Variants in BRD10 observed in about 807,000 individuals in gnomAD.
BRD10 encodes bromodomain containing 10, also known as uncharacterized bromodomain-containing protein 10.
the BRD10 span, among the ~76,000 whole-genome samples, chr9:5,967,026 A>G: frequency 6.6e-6 from 1 of 152,236 alleles, no homozygotes; most frequent in African/African-American, 2.4e-5. Flanking sequence ...AATGATTTAA[A>G]TAACTAAAAC....
chr9:5,906,589 CTCT>C, the BRD10 span, among the ~76,000 whole-genome samples: 1 of 152,204 alleles, frequency 6.6e-6, no homozygotes, highest in Admixed American at 6.5e-5. Flanking sequence ...TGTAGATTCA[CTCT>C]TCTTATCCTT....
At chr9:5,957,357 ATATCT>A in the BRD10 span, among the ~76,000 whole-genome samples, 2 of 152,146 alleles carry the variant, frequency 1.3e-5, no homozygotes, top group African/African-American at 4.8e-5. Context: ...TACTGCACAA[ATATCT>A]TAAGTTACCA....
the BRD10 span, chr9:5,921,240 T>A: frequency 1.2e-6 from 2 of 1,613,994 alleles, no homozygotes; most frequent in Non-Finnish European, 1.7e-6. Flanking sequence ...GTGCCTGAAG[T>A]ATTTACAATT....
the BRD10 span, chr9:5,920,314 T>C: frequency 1.5e-5 from 24 of 1,613,948 alleles, no homozygotes; most frequent in South Asian, 2.5e-4. Context: ...TAAACCGGGT[T>C]CCGTTAATCA....
chr9:5,933,222 A>T, the BRD10 span, among the ~76,000 whole-genome samples: 5 of 152,248 alleles, frequency 3.3e-5, no homozygotes, highest in Non-Finnish European at 7.3e-5. Context: ...CACAGGGATA[A>T]ATTAACTGTT....
At chr9:6,003,226 C>T in the BRD10 span, among the ~76,000 whole-genome samples, 1 of 152,136 alleles carries the variant, frequency 6.6e-6, no homozygotes, top group African/African-American at 2.4e-5. Flanking sequence ...TTATTAGTGT[C>T]ACTGGTGATG....
the BRD10 span, among the ~76,000 whole-genome samples, chr9:5,902,898 A>C: frequency 2.0e-5 from 3 of 152,066 alleles, no homozygotes; most frequent in Admixed American, 2.0e-4. Context: ...TATTTTCCTA[A>C]GGTGAAAGCT....
chr9:5,953,380 G>C, the BRD10 span, among the ~76,000 whole-genome samples: 1 of 152,014 alleles, frequency 6.6e-6, no homozygotes, highest in African/African-American at 2.4e-5. Context: ...ATTAGGGTGA[G>C]ATTCTCTGCT....
the BRD10 span, chr9:5,921,933 C>T: frequency 1.2e-6 from 2 of 1,613,826 alleles, no homozygotes; most frequent in African/African-American, 1.3e-5. Context: ...GGAATGGAAA[C>T]AGAAGTTGGT....
At chr9:5,928,518 A>T in the BRD10 span, among the ~76,000 whole-genome samples, 1 of 152,058 alleles carries the variant, frequency 6.6e-6, no homozygotes. Flanking sequence ...GCCTGTTACC[A>T]CATTTCTCTT....
the BRD10 span, among the ~76,000 whole-genome samples, chr9:5,961,604 G>A: frequency 3.0e-4 from 45 of 152,098 alleles, no homozygotes; most frequent in Middle Eastern, 6.8e-3. Context: ...TAATCGCCAG[G>A]ACATATTTTT....
the BRD10 span, among the ~76,000 whole-genome samples, chr9:5,903,526 G>C: frequency 6.6e-6 from 1 of 152,164 alleles, no homozygotes; most frequent in South Asian, 2.1e-4. Flanking sequence ...CTCATACAAT[G>C]AGTTAGTCCT....
At chr9:5,886,391 A>G in the BRD10 span, among the ~76,000 whole-genome samples, 1 of 152,214 alleles carries the variant, frequency 6.6e-6, no homozygotes, top group Admixed American at 6.5e-5. Flanking sequence ...AACAGTTCAC[A>G]CTATTGTTGC....
At chr9:5,922,314 T>C in the BRD10 span, 1 of 1,613,934 alleles carries the variant, frequency 6.2e-7, no homozygotes, top group African/African-American at 1.3e-5. Flanking sequence ...GAGGAAATGG[T>C]CGGTGAAGCA....
At chr9:5,902,607 CTACAGCTAGCTACCATAGTAGCTAGGAT>C in the BRD10 span, among the ~76,000 whole-genome samples, 1 of 151,870 alleles carries the variant, frequency 6.6e-6, no homozygotes, top group African/African-American at 2.4e-5. Context: ...GTAGCTAGGA[CTACAGCTAGCTACCATAGTAGCTAGGAT>C]TATAGCATGT....
the BRD10 span, among the ~76,000 whole-genome samples, chr9:5,972,914 G>C: frequency 6.6e-6 from 1 of 152,040 alleles, no homozygotes; most frequent in Non-Finnish European, 1.5e-5. Context: ...TTTCCATTCA[G>C]AGTAAAAATC....
chr9:5,919,525 A>C, the BRD10 span: 8 of 541,520 alleles, frequency 1.5e-5, no homozygotes, highest in Non-Finnish European at 2.1e-5. Flanking sequence ...GTTGCAAGCT[A>C]ATGAAAAGAT....
the BRD10 span, among the ~76,000 whole-genome samples, chr9:5,992,054 CACA>C: frequency 6.6e-6 from 1 of 152,202 alleles, no homozygotes; most frequent in African/African-American, 2.4e-5. Context: ...GTTCAAATGC[CACA>C]ACATCTGAAA....
the BRD10 span, chr9:5,924,834 T>A: frequency 1.3e-6 from 2 of 1,497,290 alleles, no homozygotes; most frequent in Non-Finnish European, 1.8e-6. Flanking sequence ...ATAGTCTTTC[T>A]TCAGGCGGCT....
Sources: gnomAD v4.1 joint callset for allele counts (sites outside exome capture counted in the v4.1 genomes callset) on GRCh38, gnomAD v4.1.1 for gene constraint, MANE v1.5 for transcripts, NCBI Gene and HGNC (gene_info 2026-07-23, HGNC 2026-07-21) for gene names.